Variants in P3H3 observed in about 807,000 individuals in gnomAD.
P3H3 encodes the protein gene rich cluster, B.
P3H3 carries 64 observed loss-of-function variants against 78.1 expected under a neutral mutation model. The observed-to-expected ratio is 0.82, with a 90% confidence interval of 0.67 to 1.01. P3H3 has a LOEUF of 1.01. P3H3 is among the 50% of genes least tolerant of loss of function. The probability of loss-of-function intolerance (pLI) is 0.00; values close to 1 mark genes in which losing one functional copy is unlikely to be tolerated. For synonymous variants in P3H3, 425 were observed against 416.7 expected, an observed-to-expected ratio of 1.02 and a Z score of -0.24; for missense variants, 975 against 982.2, an observed-to-expected ratio of 0.99 and a Z score of 0.10.
intron 13 of P3H3, among the ~76,000 whole-genome samples, chr12:6,838,549 G>T (rs1943524925): frequency 6.6e-6 from 1 of 152,152 alleles, no homozygotes; most frequent in South Asian, 2.1e-4. Flanking sequence ...TGAATGTTAG[G>T]TGGGAAATTT....
At position 6,828,738 on chromosome 12, in the gene P3H3, G is replaced by A. The variant is rs1241094683; in HGVS notation, c.298G>A (p.Asp100Asn). Residue 100 changes from aspartate (D) to asparagine (N), a missense_variant, in exon 1 of 15, where the codon GAC becomes AAC. Physicochemically the swap from Asp to Asn is conservative, Grantham distance 23. Coordinates refer to ENST00000290510, the MANE Select transcript of P3H3 (RefSeq NM_014262.5). Reference protein sequence around the residue: ...PAVLLGAPEPDSGPGPTQGSW... With the variant: ...PAVLLGAPEPNSGPGPTQGSW... ...CGTGCTTCTCGGGGCCCCGGAGCCC[G>A]ACTCCGGGCCGGGACCCACGCAGGG... is the stretch of plus-strand genomic sequence containing the variant. The A allele has an allele frequency of 4.0e-6, 5 of 1,246,256 alleles. No homozygotes were observed. Among genetic ancestry groups the A allele is most frequent in the Non-Finnish European group, 5.0e-6 (5 of 995,896 alleles). The allele number at this position is 1,246,256 out of a possible 1,614,324, so 77.2% of individuals were successfully genotyped here. A position where few individuals can be genotyped will look rare whatever the true frequency, so the allele number is the denominator to read the frequency against.
intron 9 of P3H3, among the ~76,000 whole-genome samples, chr12:6,836,358 G>T (rs781936789): frequency 2.0e-5 from 3 of 152,008 alleles, no homozygotes; most frequent in Non-Finnish European, 4.4e-5. Context: ...GACAAAAAAC[G>T]GGTGTCAGAA....
At position 6,833,960 on chromosome 12, in the gene P3H3, G is replaced by A. The variant is rs781946352; in HGVS notation, c.1369G>A (p.Asp457Asn). ...LLLEGVTLTQ[D>N]SRQLNGSERA... is the part of the protein sequence containing the mutation. ...CCTGGAGGGTGTGACCTTGACCCAG[G>A]ATTCCAGGCAGCTGAATGGGTCGGA... The change falls in exon 9 of 15, where the codon GAT (aspartate) becomes AAT (asparagine). Residue 457 changes from aspartate (D) to asparagine (N), a missense_variant. Physicochemically the swap from Asp to Asn is conservative, Grantham distance 23. Transcript: ENST00000290510. The A allele has an allele frequency of 6.2e-7, 1 of 1,613,962 alleles. No homozygotes were observed. Among genetic ancestry groups the A allele is most frequent in the East Asian group, 2.2e-5 (1 of 44,888 alleles).
intron 4 of P3H3, chr12:6,830,973 G>T (rs1555121335): frequency 2.3e-6 from 2 of 855,254 alleles, no homozygotes; most frequent in Admixed American, 4.0e-5. Flanking sequence ...CTTCTGCCTT[G>T]CTGCTTCTCA....
intron 12 of P3H3, 38 bp from the exon 13 acceptor site, chr12:6,837,920 T>C (rs185277718): frequency 6.3e-7 from 1 of 1,593,070 alleles, no homozygotes; most frequent in Admixed American, 1.8e-5. Context: ...TGGGCCTGGG[T>C]TGGGGTCTCA....
rs1555121343 is a variant in P3H3, at chr12:6,831,015, T to C, written c.986-201T>C. On this transcript the variant is annotated intron_variant, in intron 4 of 14. Coordinates refer to ENST00000290510, the MANE Select transcript of P3H3 (RefSeq NM_014262.5). This position sits in a 1 kb window ranked among gnomAD's most constrained non-coding sequence, Gnocchi z 4.6. ...TTTATTTTCCCCCCTCTTGCTCTTCTTTGAACTCTCCAGCTAAGGTATGTT... is the reference window on the plus strand; with the variant it reads ...TTTATTTTCCCCCCTCTTGCTCTTCCTTGAACTCTCCAGCTAAGGTATGTT... 1.2e-6 allele frequency: 1 copy of C among 845,586 alleles called. No homozygotes were observed. The highest frequency in any genetic ancestry group is 2.0e-5 in the Admixed American group (1 of 51,276). 52.4% of individuals were successfully genotyped at this position (845,586 alleles called of 1,614,324 possible).
chr12:6,831,142 C>T lies in P3H3; in HGVS notation c.986-74C>T. ...CCTCTGGAGACCACCTTCTCCAGCA[C>T]TGCCTCTGCCCCAAGGATCAATGTG... On this transcript the variant is annotated intron_variant, in intron 4 of 14. Coordinates refer to ENST00000290510, the MANE Select transcript of P3H3 (RefSeq NM_014262.5). The surrounding 1 kb of genome is among the most constrained non-coding windows in gnomAD (Gnocchi z 4.6). 1 of 1,592,126 alleles carries T rather than the reference C, an allele frequency of 6.3e-7. No individual in the cohort carries two copies. Among genetic ancestry groups the T allele is most frequent in the Non-Finnish European group, 8.6e-7 (1 of 1,160,760 alleles).
At chr12:6,833,697 C>T (rs1555121724) in intron 7 of P3H3, 45 bp from the exon 8 acceptor site, 1 of 1,600,090 alleles carries the variant, frequency 6.2e-7, no homozygotes, top group South Asian at 1.1e-5. Context: ...GAGGCTGGGT[C>T]TGGACTGTCC....
In P3H3 at chr12:6,838,051, T is replaced by G. The variant is rs1555122510; in HGVS notation, c.1905+18T>G. On this transcript the variant is annotated intron_variant, in intron 13 of 14. Coordinates refer to ENST00000290510, the MANE Select transcript of P3H3 (RefSeq NM_014262.5). ...CTGTCACGGTGCGTGGAGTGGGGGG[T>G]GTGACGGTGTGACAAAGGGCCCAGC... 2.5e-6 allele frequency: 4 copies of G among 1,583,774 alleles called. No individual in the cohort carries two copies. The highest frequency in any genetic ancestry group is 3.4e-6 in the Non-Finnish European group (4 of 1,164,460).
At position 6,839,385 on chromosome 12, in the gene P3H3, C is replaced by CAG; in HGVS notation, c.2138_2139dup (p.Pro714SerfsTer37). 6.4e-7 allele frequency: 1 copy of CAG among 1,552,906 alleles called. No individual in the cohort carries two copies. ...GAAATGCCCAGCAAAGACCCTTCCCCAGAGCCCCCTAGCCGCAGGCACCAG... is the reference window on the plus strand; with the variant it reads ...GAAATGCCCAGCAAAGACCCTTCCCCAGAGAGCCCCCTAGCCGCAGGCACCAG... On this transcript the variant is annotated frameshift_variant, in exon 15 of 15. Transcript: ENST00000290510. LOFTEE classifies it high-confidence loss of function.
chr12:6,833,704 G>A (rs781942338), intron 7 of P3H3, 38 bp from the exon 8 acceptor site: 2 of 1,600,724 alleles, frequency 1.2e-6, no homozygotes, highest in African/African-American at 2.7e-5. Context: ...GGTCTGGACT[G>A]TCCTGGGCAC....
intron 6 of P3H3, 84 bp from the exon 7 acceptor site, chr12:6,833,508 A>T: frequency 2.9e-6 from 4 of 1,363,298 alleles, no homozygotes; most frequent in Non-Finnish European, 4.2e-6. Flanking sequence ...AACAGAAGAA[A>T]CTTAATGAGA....
At chr12:6,832,830 G>C (rs1555121628) in intron 6 of P3H3, among the ~76,000 whole-genome samples, 1 of 122,862 alleles carries the variant, frequency 8.1e-6, no homozygotes, top group Non-Finnish European at 1.7e-5. Flanking sequence ...TTGAACTCCT[G>C]ACTTCAGGTG....
intron 13 of P3H3, 55 bp downstream of exon 13, chr12:6,838,088 G>T (rs1735632891): frequency 1.3e-6 from 2 of 1,558,552 alleles, no homozygotes; most frequent in African/African-American, 1.4e-5. Flanking sequence ...GTGGGGTCAG[G>T]ATTCAAAACA....
In P3H3 at chr12:6,833,851, G is replaced by A. The variant is rs782460612; in HGVS notation, c.1333+42G>A. The A allele has an allele frequency of 4.3e-6, 7 of 1,612,104 alleles. No homozygotes were observed. In the East Asian group the frequency reaches 1.1e-4, roughly 26 times the overall value. On this transcript the variant is annotated intron_variant, in intron 8 of 14. Coordinates refer to ENST00000290510, the MANE Select transcript of P3H3 (RefSeq NM_014262.5). ...GAGAAGGCAGGAGCCTGGAGGGTCT[G>A]GGGGCTGCCAGCTACTGCTCTGCCT...
Position 6,829,838 on chromosome 12 carries a change from C to T in P3H3, c.499-21C>T. The T allele has an allele frequency of 1.9e-6, 3 of 1,613,716 alleles. No individual in the cohort carries two copies. Among genetic ancestry groups the T allele is most frequent in the Non-Finnish European group, 2.5e-6 (3 of 1,179,802 alleles). On this transcript the variant is annotated intron_variant, in intron 1 of 14. Transcript: ENST00000290510. The surrounding 1 kb of genome is among the most constrained non-coding windows in gnomAD (Gnocchi z 5.1). ...CCCCCCGTCCCAGGGCTCTGATGCC[C>T]TCCTCCCTTCGCCTCCTCAGTTGAA...
Position 6,831,833 on chromosome 12 carries a change from G to C in P3H3, c.1131G>C (p.Gln377His). The change falls in exon 6 of 15, where the codon CAG becomes CAC. Residue 377 changes from glutamine (Q) to histidine (H), a missense_variant. Coordinates refer to ENST00000290510, the MANE Select transcript of P3H3 (RefSeq NM_014262.5). The surrounding 1 kb of genome is among the most constrained non-coding windows in gnomAD (Gnocchi z 4.6). The part of the protein sequence containing the change: ...RPGLGPREDI[Q>H]RFILRSLGEK... ...CATCATCTCACCCTCAGGACATCCA[G>C]CGCTTCATCCTCCGATCCCTGGGGG... The C allele has an allele frequency of 6.2e-7, 1 of 1,604,162 alleles. No homozygotes were observed. The highest frequency in any genetic ancestry group is 8.5e-7 in the Non-Finnish European group (1 of 1,173,406).
At chr12:6,830,919 T>C in intron 4 of P3H3, 149 bp downstream of exon 4, 1 of 1,190,576 alleles carries the variant, frequency 8.4e-7, no homozygotes, top group Admixed American at 1.9e-5. Context: ...GGACTCTAAT[T>C]TGCCCTCCTT....
intron 6 of P3H3, 28 bp from the exon 7 acceptor site, chr12:6,833,564 G>C (rs782240438): frequency 6.2e-7 from 1 of 1,611,070 alleles, no homozygotes; most frequent in Admixed American, 1.7e-5. Context: ...ACCTTGGTGG[G>C]TGATGATGCT....
Sources: gnomAD v4.1 joint callset for allele counts (sites outside exome capture counted in the v4.1 genomes callset) on GRCh38, gnomAD v4.1.1 for gene constraint, Gnocchi (gnomAD v3.1) non-coding constraint, MANE v1.5 for transcripts, NCBI Gene and HGNC (gene_info 2026-07-23, HGNC 2026-07-21) for gene names.